Variants in PEX14 observed in about 807,000 individuals in gnomAD.
PEX14 encodes the protein peroxisomal biogenesis factor 14.
A neutral mutation model predicts 49.5 loss-of-function variants in PEX14; 15 were observed. The observed-to-expected ratio is 0.30, with a 90% CI of 0.20 to 0.47. PEX14 has a LOEUF of 0.47. PEX14 is among the 20% of genes least tolerant of loss of function. The probability of loss-of-function intolerance (pLI) is 1.00; values close to 1 mark genes in which losing one functional copy is unlikely to be tolerated. For missense variants in PEX14, 398 were observed against 494.8 expected (o/e 0.80, Z 1.86); for synonymous variants, 210 against 212.7 (o/e 0.99, Z 0.11).
At chr1:10,594,279 T>A (rs1640763788) in intron 3 of PEX14, among the ~76,000 whole-genome samples, 1 of 152,212 alleles carries the variant, frequency 6.6e-6, no homozygotes. Flanking sequence ...CTGTCTTCTC[T>A]GCCTCATCTC....
Position 10,498,580 on chromosome 1 carries a change from G to A in PEX14, c.84+3259G>A, listed in dbSNP as rs144580307. On this transcript the variant is annotated intron_variant, in intron 2 of 8. Coordinates refer to ENST00000356607, the MANE Select transcript of PEX14 (RefSeq NM_004565.3). ...CTGGCCTTGATTCTAGCAAAGTAGT[G>A]AGGCTGCGTGTTTCCTTTTCTTGCC... 4.2e-3 allele frequency among the ~76,000 whole-genome samples: 641 copies of A among 152,288 alleles called. 8 individuals carry two copies. Among genetic ancestry groups the A allele is most frequent in the African/African-American group, 0.015 (610 of 41,554 alleles).
chr1:10,497,087 T>A (rs1641580701), intron 2 of PEX14, among the ~76,000 whole-genome samples: 2 of 151,970 alleles, frequency 1.3e-5, no homozygotes, highest in African/African-American at 4.8e-5. Context: ...TTCCCCCACT[T>A]TTTTGTTTAT....
intron 2 of PEX14, among the ~76,000 whole-genome samples, chr1:10,521,833 A>C (rs1259384422): frequency 1.3e-5 from 2 of 152,216 alleles, no homozygotes; most frequent in African/African-American, 4.8e-5. Context: ...TAGATGTTAA[A>C]TGAATTTCTA....
At chr1:10,583,620 T>G (rs139036659) in intron 3 of PEX14, among the ~76,000 whole-genome samples, 1,686 of 150,180 alleles carry the variant, frequency 0.011, 26 homozygotes, top group African/African-American at 0.038. Context: ...CCAAATGCAA[T>G]GGTAGAGTGG....
intron 3 of PEX14, among the ~76,000 whole-genome samples, chr1:10,595,004 C>A (rs536739049): frequency 7.2e-5 from 11 of 151,934 alleles, no homozygotes; most frequent in Non-Finnish European, 1.6e-4. Context: ...TTTTATTAAT[C>A]AATAGGATGT....
intron 2 of PEX14, among the ~76,000 whole-genome samples, chr1:10,506,479 G>A (rs535318227): frequency 2.6e-5 from 4 of 152,288 alleles, no homozygotes; most frequent in African/African-American, 7.2e-5. Flanking sequence ...GTTTCTGTAT[G>A]TTGGTCAGGC....
intron 7 of PEX14, among the ~76,000 whole-genome samples, chr1:10,625,422 C>A (rs530735522): frequency 6.6e-6 from 1 of 152,202 alleles, no homozygotes; most frequent in Non-Finnish European, 1.5e-5. Flanking sequence ...CCACTCCTAG[C>A]GTACGAGTTG....
At position 10,629,451 on chromosome 1, in the gene PEX14, C is replaced by G; in HGVS notation, c.678-80C>G. 1 of 963,182 alleles carries G rather than the reference C, an allele frequency of 1.0e-6. No individual in the cohort carries two copies. Among genetic ancestry groups the G allele is most frequent in the South Asian group, 1.3e-5 (1 of 74,168 alleles). The allele number at this position is 963,182 out of a possible 1,614,324, so 59.7% of individuals were successfully genotyped here. On this transcript the variant is annotated intron_variant, in intron 8 of 8. Transcript: ENST00000356607. This position sits in a 1 kb window ranked among gnomAD's most constrained non-coding sequence, Gnocchi z 8.5. ...GCAGCTCACCATCGCCGAGCCCTTG[C>G]GGGTCAGGGAAGGCGTGGCCCTTCG...
intron 7 of PEX14, among the ~76,000 whole-genome samples, chr1:10,625,891 G>C (rs1016893577): frequency 1.3e-5 from 2 of 152,192 alleles, no homozygotes; most frequent in Non-Finnish European, 2.9e-5. Flanking sequence ...CTTTGCTGCC[G>C]CTGTCCCTGG....
intron 3 of PEX14, among the ~76,000 whole-genome samples, chr1:10,576,362 A>G (rs191056650): frequency 2.2e-4 from 34 of 152,300 alleles, no homozygotes; most frequent in Non-Finnish European, 4.4e-4. Flanking sequence ...TAAGTCCCTT[A>G]TTTAATCACA....
intron 5 of PEX14, among the ~76,000 whole-genome samples, chr1:10,622,774 C>T (rs929437854): frequency 3.9e-5 from 6 of 152,240 alleles, no homozygotes; most frequent in African/African-American, 1.4e-4. Flanking sequence ...CCCATCACAG[C>T]AGATCCAGCT....
At chr1:10,488,226 T>A (rs1641405908) in intron 1 of PEX14, among the ~76,000 whole-genome samples, 1 of 152,068 alleles carries the variant, frequency 6.6e-6, no homozygotes, top group Non-Finnish European at 1.5e-5. Flanking sequence ...CAGCTATCAC[T>A]GCTCTCTACA....
chr1:10,476,354 A>G (rs1176539318), intron 1 of PEX14, among the ~76,000 whole-genome samples: 1 of 152,154 alleles, frequency 6.6e-6, no homozygotes, highest in East Asian at 1.9e-4. Context: ...GGAGTTTGGC[A>G]AGTGTCTCGA....
At chr1:10,483,566 C>T (rs578092093) in intron 1 of PEX14, among the ~76,000 whole-genome samples, 5 of 151,822 alleles carry the variant, frequency 3.3e-5, no homozygotes, top group East Asian at 3.9e-4. Flanking sequence ...CCACCCGCCT[C>T]GGCCCCCCAA....
At position 10,622,714 on chromosome 1, in the gene PEX14, A is replaced by G. The variant is rs1336158719; in HGVS notation, c.385-305A>G. The stretch of plus-strand genomic sequence containing the variant: ...AGTAGAGTTTATAACTTTGTGTTAC[A>G]GAAATAGTGTAGCATCACTAAGAAA... On this transcript the variant is annotated intron_variant, in intron 5 of 8. Transcript: ENST00000356607. Among the ~76,000 whole-genome samples the G allele has an allele frequency of 3.9e-5, 6 of 152,222 alleles. No individual in the cohort carries two copies. The East Asian group carries it at 1.2e-3, about 29-fold the overall frequency.
intron 3 of PEX14, among the ~76,000 whole-genome samples, chr1:10,550,468 A>G (rs949957406): frequency 1.3e-5 from 2 of 152,200 alleles, no homozygotes; most frequent in Admixed American, 6.5e-5. Flanking sequence ...GTGCTATGCT[A>G]AGTGCACTGG....
chr1:10,522,091 T>A (rs1279752132), intron 2 of PEX14, among the ~76,000 whole-genome samples: 1 of 152,244 alleles, frequency 6.6e-6, no homozygotes, highest in African/African-American at 2.4e-5. Flanking sequence ...TTATTGCTAA[T>A]GCATTCTGAC....
At chr1:10,576,699 A>C (rs779501732) in intron 3 of PEX14, among the ~76,000 whole-genome samples, 4 of 150,516 alleles carry the variant, frequency 2.7e-5, no homozygotes, top group Non-Finnish European at 5.9e-5. Context: ...AGGGATATCT[A>C]TTCTGTTTTT....
At chr1:10,538,049 G>A (rs1638889986) in intron 3 of PEX14, among the ~76,000 whole-genome samples, 1 of 152,220 alleles carries the variant, frequency 6.6e-6, no homozygotes, top group Non-Finnish European at 1.5e-5. Context: ...CAGGAATTTA[G>A]CAGAGAACCG....
Sources: allele counts gnomAD v4.1 joint callset (sites outside exome capture counted in the v4.1 genomes callset), GRCh38; gene constraint gnomAD v4.1.1; non-coding constraint Gnocchi (gnomAD v3.1); transcripts MANE v1.5; gene names NCBI Gene and HGNC (gene_info 2026-07-23, HGNC 2026-07-21).